GRIN2B: variants seen among roughly 807,000 people sequenced by gnomAD.
GRIN2B encodes glutamate receptor ionotropic, NMDA 2B.
GRIN2B carries 5 observed loss-of-function variants against 114.5 expected under a neutral mutation model. The ratio of observed to expected loss-of-function variants is 0.04; its 90% confidence interval spans 0.02 to 0.09. GRIN2B has a LOEUF of 0.09. Ranked by LOEUF, GRIN2B falls within the 10% of genes least tolerant of loss-of-function variation. The pLI is 1.00. For synonymous variants in GRIN2B, 787 were observed against 745.1 expected (o/e 1.06, Z -0.92); for missense variants, 1,108 against 1,943.5 (o/e 0.57, Z 8.08).
At chr12:13,759,358 G>C (rs1371059440) in intron 3 of GRIN2B, among the ~76,000 whole-genome samples, 3 of 152,176 alleles carry the variant, frequency 2.0e-5, no homozygotes, top group South Asian at 2.1e-4. Flanking sequence ...CAGAAATAAG[G>C]CATGCCTAAA....
intron 2 of GRIN2B, among the ~76,000 whole-genome samples, chr12:13,869,218 CT>C (rs1460686894): frequency 6.8e-6 from 1 of 146,500 alleles, no homozygotes; most frequent in Admixed American, 6.8e-5. Flanking sequence ...ACCTAGAGAA[CT>C]TTTTTCTTTT....
chr12:13,881,552 C>T (rs1866073006), intron 2 of GRIN2B, among the ~76,000 whole-genome samples: 2 of 152,194 alleles, frequency 1.3e-5, no homozygotes, highest in Admixed American at 1.3e-4. Flanking sequence ...AGTTGCCTGG[C>T]CTCACTGCAA....
chr12:13,820,473 G>A (rs536901365), intron 3 of GRIN2B, among the ~76,000 whole-genome samples: 14 of 152,168 alleles, frequency 9.2e-5, no homozygotes, highest in Non-Finnish European at 1.9e-4. Flanking sequence ...TTACCCTCAT[G>A]GAGCTTCTTA....
At chr12:13,834,197 ATT>A (rs756189402) in intron 3 of GRIN2B, among the ~76,000 whole-genome samples, 16 of 111,484 alleles carry the variant, frequency 1.4e-4, no homozygotes, top group Admixed American at 1.9e-4. Flanking sequence ...CGCCTGGCTA[ATT>A]TTTTTTTTTT....
intron 4 of GRIN2B, among the ~76,000 whole-genome samples, chr12:13,748,691 T>C (rs183060903): frequency 6.6e-6 from 1 of 152,344 alleles, no homozygotes; most frequent in Admixed American, 6.5e-5. Context: ...TCTTAGCATG[T>C]CTTGGGCTAT....
intron 5 of GRIN2B, chr12:13,670,391 T>C (rs1950012648): frequency 6.6e-6 from 1 of 152,188 alleles, no homozygotes; most frequent in African/African-American, 2.4e-5. Context: ...CTCCTTTAAT[T>C]CTGACCCAGA....
At chr12:13,895,608 G>T (rs1362528400) in intron 2 of GRIN2B, among the ~76,000 whole-genome samples, 1 of 152,164 alleles carries the variant, frequency 6.6e-6, no homozygotes, top group Non-Finnish European at 1.5e-5. Flanking sequence ...TGACAGAAAA[G>T]TGGGTTAATA....
intron 2 of GRIN2B, among the ~76,000 whole-genome samples, chr12:13,885,944 A>G (rs906652227): frequency 2.0e-5 from 3 of 152,210 alleles, no homozygotes; most frequent in African/African-American, 7.2e-5. Flanking sequence ...ATCCCAGGCC[A>G]GGTGATGTGG....
Position 13,780,834 on chromosome 12 carries a change from C to CAAAA in GRIN2B, c.412-26923_412-26920dup, listed in dbSNP as rs200061187. Among the ~76,000 whole-genome samples, 45 of 84,706 alleles carry CAAAA rather than the reference C, an allele frequency of 5.3e-4. 2 individuals are homozygous for CAAAA. The highest frequency in any genetic ancestry group is 1.6e-3 in the African/African-American group (41 of 26,348). The allele number at this position is 84,706 out of a possible 152,430, so 55.6% of individuals were successfully genotyped here. A position where few individuals can be genotyped will look rare whatever the true frequency, so the allele number is the denominator to read the frequency against. On this transcript the variant is annotated intron_variant, in intron 3 of 13. Coordinates refer to ENST00000609686, the MANE Select transcript of GRIN2B (RefSeq NM_000834.5). ...AAGGTATTGTAAGGGCAGGTTTTGCCAAAAAAAAAAAAAAAAGCCTTTACA... is the reference window on the plus strand; with the variant it reads ...AAGGTATTGTAAGGGCAGGTTTTGCCAAAAAAAAAAAAAAAAAAAAGCCTTTACA...
intron 2 of GRIN2B, among the ~76,000 whole-genome samples, chr12:13,892,339 A>C (rs1474614956): frequency 3.3e-5 from 5 of 152,230 alleles, no homozygotes; most frequent in Admixed American, 1.3e-4. Flanking sequence ...TTATATGTCA[A>C]ATCCAATATA....
At chr12:13,680,208 T>A (rs1950114903) in intron 4 of GRIN2B, among the ~76,000 whole-genome samples, 1 of 152,258 alleles carries the variant, frequency 6.6e-6, no homozygotes, top group African/African-American at 2.4e-5. Context: ...CAACTACCCT[T>A]GGATCTGGCT....
Position 13,678,098 on chromosome 12 carries a change from T to A in GRIN2B, c.1011-2239A>T, listed in dbSNP as rs1329534171. 2.0e-5 allele frequency among the ~76,000 whole-genome samples: 3 copies of A among 152,140 alleles called. No individual in the cohort carries two copies. In the East Asian group the frequency reaches 5.8e-4, roughly 29 times the overall value. The stretch of plus-strand genomic sequence containing the variant: ...GGAATAGCCAACCCAGAGATTCACT[T>A]TTTATCTATGAAGGACATCTAAACC... On this transcript the variant is annotated intron_variant, in intron 4 of 13. Coordinates refer to ENST00000609686, the MANE Select transcript of GRIN2B (RefSeq NM_000834.5).
intron 2 of GRIN2B, among the ~76,000 whole-genome samples, chr12:13,932,985 G>GTC (rs57567514): frequency 6.8e-6 from 1 of 146,334 alleles, no homozygotes; most frequent in African/African-American, 2.7e-5. Flanking sequence ...GTGTGTGTGT[G>GTC]TGCGTGTGCG....
intron 3 of GRIN2B, among the ~76,000 whole-genome samples, chr12:13,806,752 T>C (rs772432551): frequency 6.6e-6 from 1 of 152,160 alleles, no homozygotes; most frequent in Non-Finnish European, 1.5e-5. Context: ...TTTTTACTTG[T>C]GTTGCTCATG....
chr12:13,815,946 A>AGC (rs1864814717), intron 3 of GRIN2B, among the ~76,000 whole-genome samples: 3 of 152,096 alleles, frequency 2.0e-5, no homozygotes, highest in Non-Finnish European at 4.4e-5. Flanking sequence ...AAGAGAACCA[A>AGC]ATACATGCAC....
At chr12:13,882,048 G>T (rs892364972) in intron 2 of GRIN2B, among the ~76,000 whole-genome samples, 1 of 152,066 alleles carries the variant, frequency 6.6e-6, no homozygotes, top group African/African-American at 2.4e-5. Context: ...TCTCTAAACT[G>T]CCATCTGTCA....
chr12:13,753,310 C>G lies in GRIN2B; in HGVS notation c.1010+7G>C, dbSNP rs747383478. ...CACCATCAATGTGCCCTCTGTTCCA[C>G]ACTCACCTATTTAGCATATTGGACT... On this transcript the variant is annotated splice_region_variant and intron_variant, in intron 4 of 13. Transcript: ENST00000609686. This position sits in a 1 kb window ranked among gnomAD's most constrained non-coding sequence, Gnocchi z 6.2. The G allele has an allele frequency of 1.4e-6, 2 of 1,468,974 alleles. No homozygotes were observed. The highest frequency in any genetic ancestry group is 1.9e-6 in the Non-Finnish European group (2 of 1,047,584). 91.0% of individuals were successfully genotyped at this position (1,468,974 alleles called of 1,614,324 possible). A position where few individuals can be genotyped will look rare whatever the true frequency, so the allele number is the denominator to read the frequency against.
At chr12:13,567,513 CAT>C (rs1167976653) in intron 12 of GRIN2B, among the ~76,000 whole-genome samples, 1 of 152,198 alleles carries the variant, frequency 6.6e-6, no homozygotes, top group Non-Finnish European at 1.5e-5. Flanking sequence ...GATATGAACA[CAT>C]GAGACGTTGC....
chr12:13,660,947 C>G (rs1415110268), intron 5 of GRIN2B, among the ~76,000 whole-genome samples: 1 of 152,182 alleles, frequency 6.6e-6, no homozygotes, highest in Non-Finnish European at 1.5e-5. Context: ...TTAAAATCAT[C>G]AAGCTTTCTC....
Sources: allele counts gnomAD v4.1 joint callset (sites outside exome capture counted in the v4.1 genomes callset), GRCh38; gene constraint gnomAD v4.1.1; non-coding constraint Gnocchi (gnomAD v3.1); transcripts MANE v1.5; gene names NCBI Gene and HGNC (gene_info 2026-07-23, HGNC 2026-07-21).